GDF1: variants seen among roughly 807,000 people sequenced by gnomAD.
GDF1 encodes embryonic growth/differentiation factor 1.
A neutral mutation model predicts 7.4 loss-of-function variants in GDF1; 8 were observed. The ratio of observed to expected loss-of-function variants is 1.09; its 90% CI spans 0.64 to 1.96. The LOEUF is 1.96. Among genes scored for constraint, GDF1 ranks in the 30% most tolerant of loss-of-function variants. The pLI is 0.00. For synonymous variants in GDF1, 311 were observed against 276.7 expected (o/e 1.12, Z -1.23); for missense variants, 574 against 551.5 (o/e 1.04, Z -0.41).
intron 2 of GDF1, among the ~76,000 whole-genome samples, chr19:18,884,644 T>A (rs2056305040): frequency 6.6e-6 from 1 of 151,226 alleles, no homozygotes; most frequent in Non-Finnish European, 1.5e-5. Context: ...CCTGACCTCA[T>A]GATTCACCTG....
At chr19:18,872,331 CTCTGTTATCTTTTTT>C (rs1484171761) in intron 6 of GDF1, among the ~76,000 whole-genome samples, 2 of 152,136 alleles carry the variant, frequency 1.3e-5, no homozygotes, top group Non-Finnish European at 2.9e-5. Context: ...GATAGCTTTT[CTCTGTTATCTTTTTT>C]TCTTGTTTTG....
intron 6 of GDF1, among the ~76,000 whole-genome samples, chr19:18,876,953 C>T (rs554000559): frequency 6.6e-6 from 1 of 152,286 alleles, no homozygotes; most frequent in African/African-American, 2.4e-5. Flanking sequence ...CTCCTCTGAC[C>T]CTGGATTGTT....
In GDF1 at chr19:18,880,440, G is replaced by T; in HGVS notation, c.-732-5C>A. 2 of 1,577,460 alleles carry T rather than the reference G, an allele frequency of 1.3e-6. No individual in the cohort carries two copies. Among genetic ancestry groups the T allele is most frequent in the East Asian group, 4.6e-5 (2 of 43,564 alleles). On this transcript the variant is annotated splice_polypyrimidine_tract_variant and splice_region_variant and intron_variant, in intron 3 of 7. Transcript: ENST00000247005. The stretch of plus-strand genomic sequence containing the variant: ...AGGATGCCCACATTGTGGTACCTGG[G>T]GGAGCAGCAGGCAGAGAGGAGAGGG...
Position 18,868,866 on chromosome 19 carries a change from A to AGCGGTGCCAGC in GDF1, c.839_849dup (p.Trp284AlafsTer105). 1 of 1,440,666 alleles carries AGCGGTGCCAGC rather than the reference A, an allele frequency of 6.9e-7. No individual in the cohort carries two copies. The allele number at this position is 1,440,666 out of a possible 1,614,324, so 89.2% of individuals were successfully genotyped here. On this transcript the variant is annotated frameshift_variant, in exon 8 of 8. Coordinates refer to ENST00000247005, the MANE Select transcript of GDF1 (RefSeq NM_001492.6). LOFTEE classifies it low-confidence loss of function (END_TRUNC). The stretch of plus-strand genomic sequence containing the variant: ...AGGAAGCCGCGCGGCGCGATGACCC[A>AGCGGTGCCAGC]GCGGTGCCAGCCCACCTCGCGGAAG...
intron 2 of GDF1, among the ~76,000 whole-genome samples, chr19:18,889,704 C>G (rs1456955010): frequency 1.3e-5 from 2 of 152,186 alleles, no homozygotes; most frequent in East Asian, 3.9e-4. Context: ...TACTGGGATT[C>G]CAGGAGTGAG....
At chr19:18,884,400 T>C (rs2056298035) in intron 2 of GDF1, 133 bp from the exon 3 acceptor site, 2 of 752,386 alleles carry the variant, frequency 2.7e-6, no homozygotes, top group Non-Finnish European at 4.1e-6. Flanking sequence ...GACTGCTGGC[T>C]TTCCATTCCC....
rs1601197103 is a variant in GDF1 at position 18,895,825 on chromosome 19, C to G, written c.-1075G>C. On this transcript the variant is annotated splice_region_variant and 5_prime_UTR_variant, in exon 1 of 8. Coordinates refer to ENST00000247005, the MANE Select transcript of GDF1 (RefSeq NM_001492.6). This position sits in a 1 kb window ranked among gnomAD's most constrained non-coding sequence, Gnocchi z 6.4. ...GTCCCGGCCCCCGGCCACACTGACC[C>G]GAAAGAGGCGCGCAGTGGCCGCGGA... 1 of 1,282,612 alleles carries G rather than the reference C, an allele frequency of 7.8e-7. No individual in the cohort carries two copies. Among genetic ancestry groups the G allele is most frequent in the Non-Finnish European group, 9.9e-7 (1 of 1,013,272 alleles). The allele number at this position is 1,282,612 out of a possible 1,614,324, so 79.5% of individuals were successfully genotyped here.
In GDF1 at chr19:18,879,267, T is replaced by G; in HGVS notation, c.-449A>C. The stretch of plus-strand genomic sequence containing the variant: ...AGGAACCAGTAGAGGTTCATAAGGG[T>G]GAGCAGCAGCAGGAGCGCATTGAAG... On this transcript the variant is annotated 5_prime_UTR_variant, in exon 5 of 8. Transcript: ENST00000247005. The G allele has an allele frequency of 6.2e-7, 1 of 1,613,240 alleles. No individual in the cohort carries two copies. Among genetic ancestry groups the G allele is most frequent in the Non-Finnish European group, 8.5e-7 (1 of 1,179,666 alleles).
rs2055912234 is a variant in GDF1 at position 18,869,150 on chromosome 19, G to A, written c.566C>T (p.Ala189Val). ...CTCCGCGCGCACTGGCGGCCCCAGG[G>A]CGGGCACCAACTGGCGGAGCAGCAC... is the stretch of plus-strand genomic sequence containing the variant. ...GPVLLRQLVP[A>V]LGPPVRAELL... Residue 189 changes from alanine to valine, a missense_variant, in exon 8 of 8, where the codon GCC (alanine) becomes GTC (valine). Ala to Val is a moderately conservative substitution (Grantham distance 64). Coordinates refer to ENST00000247005, the MANE Select transcript of GDF1 (RefSeq NM_001492.6). 2 of 1,124,342 alleles carry A rather than the reference G, an allele frequency of 1.8e-6. No homozygotes were observed. The highest frequency in any genetic ancestry group is 3.2e-5 in the South Asian group (1 of 31,186). The allele number at this position is 1,124,342 out of a possible 1,614,324, so 69.6% of individuals were successfully genotyped here.
intron 6 of GDF1, among the ~76,000 whole-genome samples, chr19:18,872,321 G>A (rs377026493): frequency 1.6e-4 from 25 of 152,312 alleles, no homozygotes; most frequent in African/African-American, 5.8e-4. Flanking sequence ...CCTTGGGGGA[G>A]ATAGCTTTTC....
chr19:18,868,974 G>T lies in GDF1; in HGVS notation c.742C>A (p.Leu248Met). Residue 248 changes from leucine (L) to methionine (M), a missense_variant, in exon 8 of 8, where the codon CTG (leucine) becomes ATG (methionine). Leu to Met is a conservative substitution (Grantham distance 15). Transcript: ENST00000247005. ...TCGGCGTCGCGCCGCGGCCGGGCCA[G>T]GGGGTGGCACAGGCGCGGGTCGAGG... The part of the protein sequence containing the change: ...VTLDPRLCHP[L>M]ARPRRDAEPV... 1 of 1,147,704 alleles carries T rather than the reference G, an allele frequency of 8.7e-7. No homozygotes were observed. The allele number at this position is 1,147,704 out of a possible 1,614,324, so 71.1% of individuals were successfully genotyped here.
At chr19:18,880,979 G>A (rs1007024805) in intron 3 of GDF1, among the ~76,000 whole-genome samples, 5 of 151,922 alleles carry the variant, frequency 3.3e-5, no homozygotes, top group East Asian at 3.9e-4. Context: ...GATTACAGGC[G>A]CGAGCCACTG....
At chr19:18,879,449 G>A in intron 4 of GDF1, 61 bp from the exon 5 acceptor site, 5 of 1,525,874 alleles carry the variant, frequency 3.3e-6, no homozygotes, top group Non-Finnish European at 4.4e-6. Flanking sequence ...CCCAGTCCCT[G>A]TCCTATCCCG....
At chr19:18,877,910 CTT>C (rs1374126323) in intron 6 of GDF1, 26 of 958,146 alleles carry the variant, frequency 2.7e-5, no homozygotes, top group African/African-American at 3.5e-5. Flanking sequence ...AGCCAAAAGT[CTT>C]GAGTCGTCTT....
rs761442066 is a variant in GDF1, at chr19:18,879,216, TG to T, written c.-423+24del. 1.6e-5 allele frequency: 25 copies of T among 1,612,860 alleles called. No homozygotes were observed. The South Asian group carries it at 2.6e-4, about 17-fold the overall frequency. On this transcript the variant is annotated intron_variant, in intron 5 of 7. Coordinates refer to ENST00000247005, the MANE Select transcript of GDF1 (RefSeq NM_001492.6). ...TGGGACGAGGACGGGACCGCCACTG[TG>T]GAGGAGAGCCGGGGCCGACTCACCA...
intron 1 of GDF1, 46 bp from the exon 2 acceptor site, chr19:18,893,621 G>C (rs1359817175): frequency 6.4e-7 from 1 of 1,564,726 alleles, no homozygotes; most frequent in Non-Finnish European, 8.6e-7. Context: ...CTGGGGGCCA[G>C]AGACTGCTCC....
rs780298709 is a variant in GDF1 at position 18,870,038 on chromosome 19, G to T, written c.270C>A (p.Cys90Ter). ...RTSPGVTLQPCHVEELGVAGN... is the reference protein window; with the variant it reads ...RTSPGVTLQP ...CGGCGACCCCCAGCTCCTCCACGTG[G>T]CACGGTTGCAGGGTGACCCCTGGGG... The change falls in exon 7 of 8, where the codon TGC becomes TGA. Residue 90 changes from cysteine to a stop codon, truncating the protein, a stop_gained. Coordinates refer to ENST00000247005, the MANE Select transcript of GDF1 (RefSeq NM_001492.6). LOFTEE classifies it high-confidence loss of function. The surrounding 1 kb of genome is among the most constrained non-coding windows in gnomAD (Gnocchi z 5.1). 2 of 1,595,752 alleles carry T rather than the reference G, an allele frequency of 1.3e-6. No homozygotes were observed.
intron 2 of GDF1, among the ~76,000 whole-genome samples, chr19:18,889,979 TG>T (rs1469578147): frequency 6.6e-6 from 1 of 152,182 alleles, no homozygotes; most frequent in Non-Finnish European, 1.5e-5. Flanking sequence ...AGCTCAATCC[TG>T]GTGGGAGTCC....
intron 2 of GDF1, among the ~76,000 whole-genome samples, chr19:18,892,400 A>G (rs2238660): frequency 0.18 from 27,189 of 151,526 alleles, 3,171 homozygotes; most frequent in African/African-American, 0.33. Flanking sequence ...AGATCATGAG[A>G]TCAGGAGATT....
Sources: allele counts gnomAD v4.1 joint callset (sites outside exome capture counted in the v4.1 genomes callset), GRCh38; gene constraint gnomAD v4.1.1; non-coding constraint Gnocchi (gnomAD v3.1); transcripts MANE v1.5; gene names NCBI Gene and HGNC (gene_info 2026-07-23, HGNC 2026-07-21).